The following PCDHA3 variants were observed in gnomAD, a reference collection of about 807,000 sequenced individuals.
PCDHA3 encodes protocadherin alpha 3.
PCDHA3 carries 41 observed loss-of-function variants against 62.2 expected under a neutral mutation model. The ratio of observed to expected loss-of-function variants is 0.66; its 90% CI spans 0.51 to 0.86. The LOEUF (loss-of-function observed/expected upper bound fraction) is 0.86, where lower values mean the gene tolerates loss of function less well. Among genes scored for constraint, PCDHA3 ranks in the 40% least tolerant of loss-of-function variants. PCDHA3 has a pLI of 0.00. For synonymous variants in PCDHA3, 640 were observed against 555.4 expected, an observed-to-expected ratio of 1.15 and a Z score of -2.14; for missense variants, 1,304 against 1,241.2, an observed-to-expected ratio of 1.05 and a Z score of -0.76.
chr5:141,005,798 C>T (rs1236554438), intron 3 of PCDHA3, among the ~76,000 whole-genome samples: 1 of 143,634 alleles, frequency 7.0e-6, no homozygotes, highest in African/African-American at 2.6e-5. Context: ...GCAAAAACAA[C>T]TCCAAGGAGC....
chr5:140,810,401 C>T (rs1241607814), intron 1 of PCDHA3: 1 of 152,178 alleles, frequency 6.6e-6, no homozygotes, highest in Non-Finnish European at 1.5e-5. Flanking sequence ...TCTTTTGTAG[C>T]TAACACCAAC....
chr5:140,869,506 C>G (rs782699561), intron 1 of PCDHA3: 20 of 1,614,178 alleles, frequency 1.2e-5, no homozygotes, highest in Admixed American at 6.7e-5. Context: ...GGTGTTCTCG[C>G]TCAGAGAACA....
chr5:140,836,560 C>A (rs782229036), intron 1 of PCDHA3: 2 of 1,613,622 alleles, frequency 1.2e-6, no homozygotes, highest in African/African-American at 1.3e-5. Context: ...TGCTCAGCGC[C>A]GTCCTCTGAG....
At chr5:140,951,766 C>T (rs372624744) in intron 1 of PCDHA3, among the ~76,000 whole-genome samples, 78 of 152,240 alleles carry the variant, frequency 5.1e-4, no homozygotes, top group African/African-American at 1.6e-3. Context: ...AATCTCATGA[C>T]GTTCTTACAT....
At position 140,920,535 on chromosome 5, in the gene PCDHA3, T is replaced by C. The variant is rs75447697; in HGVS notation, c.2395-58414T>C. ...TATGCAATTCGTTAGACTCAGGTTT[T>C]CTATTTCACCTTCGAAGTGTGGCCC... is the stretch of plus-strand genomic sequence containing the variant. On this transcript the variant is annotated intron_variant, in intron 1 of 3. Transcript: ENST00000522353. Among the ~76,000 whole-genome samples the C allele has an allele frequency of 1.3e-3, 198 of 152,336 alleles. 1 individual carries two copies. Among genetic ancestry groups the C allele is most frequent in the African/African-American group, 4.5e-3 (189 of 41,590 alleles).
intron 1 of PCDHA3, chr5:140,828,729 C>T (rs1554131485): frequency 2.5e-6 from 4 of 1,614,254 alleles, no homozygotes; most frequent in Non-Finnish European, 3.4e-6. Flanking sequence ...TTATTCCTGA[C>T]AGCCACAGAT....
chr5:140,884,125 C>T (rs1554181246), intron 1 of PCDHA3: 1 of 1,613,416 alleles, frequency 6.2e-7, no homozygotes, highest in Admixed American at 1.7e-5. Context: ...TCGGCGCGCG[C>T]ATCCCGTTCC....
chr5:140,885,044 T>G (rs187504984), intron 1 of PCDHA3, among the ~76,000 whole-genome samples: 1 of 152,360 alleles, frequency 6.6e-6, no homozygotes, highest in African/African-American at 2.4e-5. Context: ...TTTAGTTTAA[T>G]GTATACATAT....
At chr5:140,883,526 G>A (rs1554178547) in intron 1 of PCDHA3, 2 of 1,614,226 alleles carry the variant, frequency 1.2e-6, no homozygotes, top group East Asian at 2.2e-5. Flanking sequence ...GAGCGTATCA[G>A]CCTATGAACT....
At position 140,852,588 on chromosome 5, in the gene PCDHA3, T is replaced by G. The variant is rs2150519378; in HGVS notation, c.2394+48997T>G. 150 of 881,406 alleles carry G rather than the reference T, an allele frequency of 1.7e-4. 16 individuals are homozygous for G. The highest frequency in any genetic ancestry group is 2.0e-4 in the Non-Finnish European group (145 of 723,694). 54.6% of individuals were successfully genotyped at this position (881,406 alleles called of 1,614,324 possible). A position where few individuals can be genotyped will look rare whatever the true frequency, so the allele number is the denominator to read the frequency against. On this transcript the variant is annotated intron_variant, in intron 1 of 3. Transcript: ENST00000522353. ...ACTGTGCCAAGGCTTTTTTATTTTT[T>G]TTTTTTGTCATTTTCTTTCAAAACT...
intron 1 of PCDHA3, chr5:140,966,319 G>T: frequency 2.6e-6 from 1 of 388,824 alleles, no homozygotes; most frequent in Admixed American, 4.5e-5. Context: ...CCTGCGGTCC[G>T]CTGGGATCCG....
At chr5:140,836,408 A>G (rs2150260018) in intron 1 of PCDHA3, 22 of 1,613,740 alleles carry the variant, frequency 1.4e-5, no homozygotes, top group Non-Finnish European at 1.9e-5. Context: ...GCGGCCAGGC[A>G]CCAAAGGCGT....
rs1445142594 is a variant in PCDHA3 at position 140,808,586 on chromosome 5, A to C, written c.2394+4995A>C. 3 of 1,613,900 alleles carry C rather than the reference A, an allele frequency of 1.9e-6. No individual in the cohort carries two copies. In the African/African-American group the frequency reaches 4.0e-5, roughly 22 times the overall value. On this transcript the variant is annotated intron_variant, in intron 1 of 3. Transcript: ENST00000522353. ...CGAGTACACAGTGTTCGTGAAGGAG[A>C]ACAACCCGCCGGGCTGCCACATCTT...
intron 1 of PCDHA3, chr5:140,856,435 G>C (rs2043994865): frequency 6.3e-7 from 1 of 1,598,204 alleles, no homozygotes; most frequent in Non-Finnish European, 8.6e-7. Flanking sequence ...ACGACAACCC[G>C]CCCAGGTTCT....
intron 1 of PCDHA3, chr5:140,881,501 C>A (rs782000314): frequency 3.3e-4 from 82 of 248,870 alleles, no homozygotes; most frequent in Non-Finnish European, 4.9e-4. Context: ...CACATACACA[C>A]ACTCACATAC....
intron 1 of PCDHA3, chr5:140,856,146 C>T: frequency 6.3e-7 from 1 of 1,598,308 alleles, no homozygotes; most frequent in Middle Eastern, 1.7e-4. Flanking sequence ...CTCCACTACT[C>T]AGTCTACGAG....
At chr5:140,849,341 C>T (rs2150435526) in intron 1 of PCDHA3, 27 of 1,407,914 alleles carry the variant, frequency 1.9e-5, no homozygotes, top group Middle Eastern at 2.4e-4. Flanking sequence ...ACTCCTTCTC[C>T]AGTGATGTTT....
intron 1 of PCDHA3, among the ~76,000 whole-genome samples, chr5:140,846,443 C>T (rs1355812875): frequency 2.2e-5 from 3 of 134,856 alleles, no homozygotes; most frequent in Non-Finnish European, 4.7e-5. Context: ...GGCGCAATCT[C>T]GGCTCACTGC....
intron 1 of PCDHA3, chr5:140,841,522 G>A (rs2150317350): frequency 6.2e-7 from 1 of 1,613,598 alleles, no homozygotes; most frequent in South Asian, 1.1e-5. Flanking sequence ...TCCGGGTGGC[G>A]TCCAAAAGAC....
Sources: allele counts gnomAD v4.1 joint callset (sites outside exome capture counted in the v4.1 genomes callset), GRCh38; gene constraint gnomAD v4.1.1; transcripts MANE v1.5; gene names NCBI Gene and HGNC (gene_info 2026-07-23, HGNC 2026-07-21).